SULF1: variants seen among roughly 807,000 people sequenced by gnomAD.
The protein encoded by SULF1 is sulfatase 1.
In SULF1, 46 loss-of-function variants were observed where a neutral mutation model predicts 110.5. The observed-to-expected ratio is 0.42, with a 90% CI of 0.33 to 0.53. The LOEUF (loss-of-function observed/expected upper bound fraction) is 0.53. Ranked by LOEUF, SULF1 falls within the 20% of genes least tolerant of loss-of-function variation. SULF1 has a pLI of 0.12. For missense variants in SULF1, 941 were observed against 1,094.2 expected (o/e 0.86, Z 1.98); for synonymous variants, 371 against 387.1 (o/e 0.96, Z 0.49).
intron 13 of SULF1, among the ~76,000 whole-genome samples, chr8:69,618,399 CTA>C (rs1486070504): frequency 6.6e-6 from 1 of 152,156 alleles, no homozygotes; most frequent in East Asian, 1.9e-4. Context: ...AGAATAACTA[CTA>C]ATTACATAGC....
At chr8:69,651,343 G>A (rs1389817674) in intron 22 of SULF1, among the ~76,000 whole-genome samples, 1 of 152,036 alleles carries the variant, frequency 6.6e-6, no homozygotes, top group Non-Finnish European at 1.5e-5. Flanking sequence ...ATGAGCCACC[G>A]CGCCCAGCCT....
chr8:69,603,493 C>A, intron 11 of SULF1, 107 bp from the exon 12 acceptor site: 1 of 1,318,496 alleles, frequency 7.6e-7, no homozygotes, highest in Non-Finnish European at 1.1e-6. Flanking sequence ...GAGATGCACT[C>A]ATGGTCTGTG....
intron 1 of SULF1, among the ~76,000 whole-genome samples, chr8:69,494,822 G>A (rs1412682125): frequency 1.3e-5 from 2 of 151,280 alleles, no homozygotes; most frequent in African/African-American, 4.9e-5. Flanking sequence ...GGAGACTAGA[G>A]TGAGTTGCGT....
At chr8:69,469,319 A>G (rs916566157) in intron 1 of SULF1, 2 of 152,250 alleles carry the variant, frequency 1.3e-5, no homozygotes, top group African/African-American at 4.8e-5. Flanking sequence ...GTGTTTGAGC[A>G]CACGGGATAT....
At chr8:69,618,441 T>C (rs1019465675) in intron 13 of SULF1, among the ~76,000 whole-genome samples, 2 of 152,206 alleles carry the variant, frequency 1.3e-5, no homozygotes, top group African/African-American at 2.4e-5. Flanking sequence ...TTACAAGTAA[T>C]GTAGAGATAA....
chr8:69,651,723 T>C (rs1483448366), intron 22 of SULF1, among the ~76,000 whole-genome samples: 1 of 152,176 alleles, frequency 6.6e-6, no homozygotes, highest in African/African-American at 2.4e-5. Flanking sequence ...CACTGGGTCA[T>C]TGTGTGTTGC....
rs201640007 is a variant in SULF1 at position 69,564,037 on chromosome 8, T to C, written c.62T>C (p.Leu21Pro). 6.2e-7 allele frequency: 1 copy of C among 1,614,188 alleles called. No individual in the cohort carries two copies. Among genetic ancestry groups the C allele is most frequent in the Non-Finnish European group, 8.5e-7 (1 of 1,180,026 alleles). The change falls in exon 5 of 23, where the codon CTC (leucine) becomes CCC (proline). Residue 21 changes from leucine to proline, a missense_variant. Coordinates refer to ENST00000402687, the MANE Select transcript of SULF1 (RefSeq NM_001128205.2). The part of the protein sequence containing the change: ...AVLGTELLGS[L>P]CSTVRSPRFR... ...CTGGGCACAGAATTGCTGGGAAGCCTCTGTTCGACTGTCAGATCCCCGAGG... is the reference window on the plus strand; with the variant it reads ...CTGGGCACAGAATTGCTGGGAAGCCCCTGTTCGACTGTCAGATCCCCGAGG...
At chr8:69,501,093 T>C (rs1478911717) in intron 2 of SULF1, among the ~76,000 whole-genome samples, 5 of 152,226 alleles carry the variant, frequency 3.3e-5, no homozygotes, top group Non-Finnish European at 7.3e-5. Flanking sequence ...AGTGGAAAAG[T>C]ATGAAGACTT....
chr8:69,475,115 A>G (rs1586189641), intron 1 of SULF1, among the ~76,000 whole-genome samples: 1 of 151,830 alleles, frequency 6.6e-6, no homozygotes, highest in African/African-American at 2.4e-5. Context: ...CAAAGAAGAG[A>G]AAAAAAGGAA....
rs749121767 is a variant in SULF1 at position 69,622,584 on chromosome 8, CA to C, written c.1595-1344del. 2.5e-3 allele frequency among the ~76,000 whole-genome samples: 335 copies of C among 133,454 alleles called. 1 individual carries two copies. The highest frequency in any genetic ancestry group is 0.011 in the East Asian group (50 of 4,564). 87.6% of individuals were successfully genotyped at this position (133,454 alleles called of 152,430 possible). A position where few individuals can be genotyped will look rare whatever the true frequency, so the allele number is the denominator to read the frequency against. ...TGGATGACAGAGCAAGACTCCGTCT[CA>C]AAAAAAAAAAAAATTAATAAGGGAC... On this transcript the variant is annotated intron_variant, in intron 14 of 22. Coordinates refer to ENST00000402687, the MANE Select transcript of SULF1 (RefSeq NM_001128205.2).
At chr8:69,556,622 T>G (rs1443447552) in intron 3 of SULF1, among the ~76,000 whole-genome samples, 1 of 152,220 alleles carries the variant, frequency 6.6e-6, no homozygotes, top group Non-Finnish European at 1.5e-5. Flanking sequence ...CATAGATATA[T>G]AAAACCAAAG....
rs137930316 is a variant in SULF1, at chr8:69,470,798, C to A, written c.-391+3848C>A. On this transcript the variant is annotated intron_variant, in intron 1 of 22. Coordinates refer to the SULF1 transcript ENST00000260128. ...CTGGCCTTCTATTATTTGGCCCGAA[C>A]TTTCCAACCATTTCTCCCCGCCAAA... Among the ~76,000 whole-genome samples, 21 of 152,322 alleles carry A rather than the reference C, an allele frequency of 1.4e-4. No individual in the cohort carries two copies. The East Asian group carries it at 4.1e-3, about 29-fold the overall frequency.
At chr8:69,553,946 T>C (rs529143013) in intron 3 of SULF1, among the ~76,000 whole-genome samples, 24 of 152,360 alleles carry the variant, frequency 1.6e-4, no homozygotes, top group African/African-American at 5.1e-4. Flanking sequence ...CATCAGGTTT[T>C]AATAAACCTC....
intron 5 of SULF1, among the ~76,000 whole-genome samples, chr8:69,566,297 T>C (rs1427865366): frequency 1.3e-5 from 2 of 152,202 alleles, no homozygotes; most frequent in Non-Finnish European, 2.9e-5. Context: ...ACCTCTTCAA[T>C]ATACAGCACT....
intron 13 of SULF1, among the ~76,000 whole-genome samples, chr8:69,610,962 T>G (rs556405792): frequency 2.0e-5 from 3 of 152,080 alleles, no homozygotes; most frequent in African/African-American, 7.2e-5. Flanking sequence ...CTTGCATGGA[T>G]GTTGTTACTT....
At chr8:69,583,730 T>C (rs894154275) in intron 6 of SULF1, among the ~76,000 whole-genome samples, 2 of 152,166 alleles carry the variant, frequency 1.3e-5, no homozygotes, top group African/African-American at 4.8e-5. Context: ...GCCTCAGAGA[T>C]AAGGCAGAGG....
intron 2 of SULF1, among the ~76,000 whole-genome samples, chr8:69,501,215 CTTATA>C (rs10552130): frequency 0.02 from 3,061 of 152,252 alleles, 97 homozygotes; most frequent in African/African-American, 0.068. Flanking sequence ...CTTATTCTAT[CTTATA>C]TTATGTTCTC....
intron 19 of SULF1, 32 bp from the exon 20 acceptor site, chr8:69,638,470 G>A: frequency 6.2e-7 from 1 of 1,602,376 alleles, no homozygotes; most frequent in Non-Finnish European, 8.5e-7. Flanking sequence ...CACTCTTTTT[G>A]TTTTGTTGTG....
chr8:69,485,649 G>T (rs73287657), intron 1 of SULF1, among the ~76,000 whole-genome samples: 3,228 of 152,262 alleles, frequency 0.021, 106 homozygotes, highest in African/African-American at 0.073. Flanking sequence ...TGCAACCTCT[G>T]CAGTCGGCTT....
Sources: gnomAD v4.1 joint callset for allele counts (sites outside exome capture counted in the v4.1 genomes callset) on GRCh38, gnomAD v4.1.1 for gene constraint, MANE v1.5 for transcripts, NCBI Gene and HGNC (gene_info 2026-07-23, HGNC 2026-07-21) for gene names.